DLGAP2: variants seen among roughly 807,000 people sequenced by gnomAD.
DLGAP2 encodes disks large-associated protein 2.
Under a neutral mutation model 100.3 loss-of-function variants are expected in DLGAP2, and 26 were observed. That is an observed-to-expected ratio of 0.26 (90% CI 0.19 to 0.36). The LOEUF (loss-of-function observed/expected upper bound fraction) is 0.36, where lower values mean the gene tolerates loss of function less well. DLGAP2 is among the 10% of genes least tolerant of loss of function. The pLI is 1.00. For synonymous variants in DLGAP2, 886 were observed against 630.1 expected (o/e 1.41, Z -6.08); for missense variants, 1,858 against 1,453.2 (o/e 1.28, Z -4.53).
At chr8:1,527,882 C>T (rs530989616) in intron 4 of DLGAP2, among the ~76,000 whole-genome samples, 1 of 151,836 alleles carries the variant, frequency 6.6e-6, no homozygotes, top group Non-Finnish European at 1.5e-5. Context: ...AAAAAATACA[C>T]AGCTCATCTT....
chr8:1,514,598 C>T (rs189185355), intron 4 of DLGAP2, among the ~76,000 whole-genome samples: 4 of 152,332 alleles, frequency 2.6e-5, no homozygotes, highest in South Asian at 2.1e-4. Context: ...CACCTCCAGG[C>T]GCCGCTAGAG....
At chr8:981,170 G>A (rs1304024591) in intron 2 of DLGAP2, among the ~76,000 whole-genome samples, 2 of 152,084 alleles carry the variant, frequency 1.3e-5, no homozygotes, top group Non-Finnish European at 2.9e-5. Context: ...AGATCATACG[G>A]CATTTGTCCT....
chr8:780,900 T>C (rs1317305946), intron 1 of DLGAP2, among the ~76,000 whole-genome samples: 2 of 152,186 alleles, frequency 1.3e-5, no homozygotes, highest in East Asian at 3.9e-4. Flanking sequence ...GTAGCAATTA[T>C]TGAGGACATC....
intron 10 of DLGAP2, 76 bp from the exon 11 acceptor site, chr8:1,676,457 C>CACA (rs1347847082): frequency 1.4e-6 from 2 of 1,463,986 alleles, no homozygotes; most frequent in East Asian, 4.9e-5. Context: ...ACAGCAAATC[C>CACA]ACAACAACAA....
rs1236563757 is a variant in DLGAP2 at position 1,256,417 on chromosome 8, G to GC, written c.74-2433dup. On this transcript the variant is annotated intron_variant, in intron 2 of 14. Coordinates refer to ENST00000637795, the MANE Select transcript of DLGAP2 (RefSeq NM_001346810.2). ...TGCTGTGTGTGTGCCGTCTTATCCTGCTTGGGCGCTGTGCGTCTGTCCTCT... is the reference window on the plus strand; with the variant it reads ...TGCTGTGTGTGTGCCGTCTTATCCTGCCTTGGGCGCTGTGCGTCTGTCCTCT... Among the ~76,000 whole-genome samples, 102 of 141,248 alleles carry GC rather than the reference G, an allele frequency of 7.2e-4. 1 individual carries two copies. The highest frequency in any genetic ancestry group is 2.3e-3 in the African/African-American group (83 of 36,558). 92.7% of individuals were successfully genotyped at this position (141,248 alleles called of 152,430 possible). A position where few individuals can be genotyped will look rare whatever the true frequency, so the allele number is the denominator to read the frequency against.
chr8:1,693,735 G>A (rs1799311080), intron 13 of DLGAP2, among the ~76,000 whole-genome samples: 1 of 152,136 alleles, frequency 6.6e-6, no homozygotes, highest in Admixed American at 6.6e-5. Flanking sequence ...GAAGTTCACG[G>A]CGATTTTAAA....
At chr8:1,266,887 C>T (rs1464724664) in intron 3 of DLGAP2, among the ~76,000 whole-genome samples, 3 of 151,914 alleles carry the variant, frequency 2.0e-5, no homozygotes, top group Non-Finnish European at 4.4e-5. Flanking sequence ...ATGCGTTATC[C>T]CAGCAGAAGA....
At chr8:901,418 G>T (rs1798249239) in intron 1 of DLGAP2, among the ~76,000 whole-genome samples, 2 of 152,212 alleles carry the variant, frequency 1.3e-5, no homozygotes, top group Admixed American at 6.5e-5. Flanking sequence ...TTGATAAAAA[G>T]TAAAGTGTTT....
intron 3 of DLGAP2, among the ~76,000 whole-genome samples, chr8:1,316,147 TC>T (rs1800741375): frequency 8.3e-6 from 1 of 120,486 alleles, no homozygotes; most frequent in Non-Finnish European, 1.8e-5. Context: ...GTGCAGCGTC[TC>T]CCCAACAGTG....
rs141523011 is a variant in DLGAP2 at position 1,092,364 on chromosome 8, C to T, written c.74-166487C>T. Among the ~76,000 whole-genome samples, 28 of 152,346 alleles carry T rather than the reference C, an allele frequency of 1.8e-4. 1 individual carries two copies. In the East Asian group the frequency reaches 4.4e-3, roughly 24 times the overall value. ...TGGCCACGTGGATGCGTAGGGTCCG[C>T]CTGGCACCTTGAGGCCTCTTATAGC... On this transcript the variant is annotated intron_variant, in intron 2 of 14. Transcript: ENST00000637795.
intron 3 of DLGAP2, among the ~76,000 whole-genome samples, chr8:1,453,760 T>G (rs1433229663): frequency 6.6e-6 from 1 of 152,206 alleles, no homozygotes; most frequent in Non-Finnish European, 1.5e-5. Flanking sequence ...GTGTTTGGAA[T>G]AGTAACCAGC....
chr8:1,369,102 C>G (rs1036662271), intron 3 of DLGAP2: 1 of 152,140 alleles, frequency 6.6e-6, no homozygotes, highest in Non-Finnish European at 1.5e-5. Context: ...GAATGCAGAA[C>G]CCTAAATCCA....
At chr8:1,328,862 T>G (rs909290344) in intron 3 of DLGAP2, among the ~76,000 whole-genome samples, 1 of 152,210 alleles carries the variant, frequency 6.6e-6, no homozygotes, top group Non-Finnish European at 1.5e-5. Context: ...ATGTACACAC[T>G]TCGGTGGTTT....
intron 14 of DLGAP2, 105 bp from the exon 15 acceptor site, chr8:1,701,083 G>T: frequency 9.7e-7 from 1 of 1,032,616 alleles, no homozygotes; most frequent in Non-Finnish European, 1.4e-6. Context: ...GGCCCTGGGG[G>T]CTGCGGTCGG....
chr8:1,211,313 C>T (rs922930058), intron 2 of DLGAP2, among the ~76,000 whole-genome samples: 19 of 152,204 alleles, frequency 1.2e-4, no homozygotes, highest in Non-Finnish European at 2.5e-4. Flanking sequence ...TCAGTGGAGC[C>T]TGTGAGGGCT....
chr8:1,595,815 TAA>T (rs1246396163), intron 6 of DLGAP2, among the ~76,000 whole-genome samples: 5 of 152,084 alleles, frequency 3.3e-5, no homozygotes, highest in Non-Finnish European at 7.4e-5. Flanking sequence ...TAGTCTGAAC[TAA>T]GTGCTAAATG....
chr8:833,148 G>C (rs1452308337), intron 1 of DLGAP2, among the ~76,000 whole-genome samples: 1 of 152,164 alleles, frequency 6.6e-6, no homozygotes, highest in Non-Finnish European at 1.5e-5. Context: ...GCAGACATAT[G>C]ATTAAGGCCG....
chr8:893,605 G>A (rs766346622), intron 1 of DLGAP2, among the ~76,000 whole-genome samples: 12 of 152,206 alleles, frequency 7.9e-5, no homozygotes, highest in South Asian at 2.1e-4. Context: ...CCCTCAGCCC[G>A]GAAGCTGTCA....
At chr8:1,042,432 C>A (rs1178644124) in intron 2 of DLGAP2, among the ~76,000 whole-genome samples, 1 of 152,196 alleles carries the variant, frequency 6.6e-6, no homozygotes, top group African/African-American at 2.4e-5. Flanking sequence ...TCTGTCAGAT[C>A]ACTTGTTATC....
Sources: gnomAD v4.1 joint callset for allele counts (sites outside exome capture counted in the v4.1 genomes callset) on GRCh38, gnomAD v4.1.1 for gene constraint, MANE v1.5 for transcripts, NCBI Gene and HGNC (gene_info 2026-07-23, HGNC 2026-07-21) for gene names.